The following PLCH1 variants were observed in gnomAD, a reference collection of about 807,000 sequenced individuals.
PLCH1 encodes 1-phosphatidylinositol 4,5-bisphosphate phosphodiesterase eta-1.
PLCH1 carries 60 observed loss-of-function variants against 126.7 expected under a neutral mutation model. The observed-to-expected ratio is 0.47, with a 90% CI of 0.38 to 0.59. PLCH1 has a LOEUF of 0.59. Ranked by LOEUF, PLCH1 falls within the 20% of genes least tolerant of loss-of-function variation. The pLI, the probability that PLCH1 is intolerant of heterozygous loss-of-function variation, is 0.00. For synonymous variants in PLCH1, 719 were observed against 734.9 expected (o/e 0.98, Z 0.35); for missense variants, 1,723 against 2,040.0 (o/e 0.84, Z 2.99).
intron 2 of PLCH1, among the ~76,000 whole-genome samples, chr3:155,650,034 G>C (rs1459983556): frequency 6.6e-6 from 1 of 152,044 alleles, no homozygotes; most frequent in Non-Finnish European, 1.5e-5. Flanking sequence ...ACAGGCACAG[G>C]GAGGCGTGAG....
intron 10 of PLCH1, among the ~76,000 whole-genome samples, chr3:155,533,849 T>C (rs1468164754): frequency 6.6e-6 from 1 of 152,222 alleles, no homozygotes; most frequent in East Asian, 1.9e-4. Context: ...AGGCCATTGC[T>C]TCAGAGGGTG....
chr3:155,593,072 T>C (rs1732417770), intron 4 of PLCH1, among the ~76,000 whole-genome samples: 1 of 152,014 alleles, frequency 6.6e-6, no homozygotes, highest in East Asian at 1.9e-4. Flanking sequence ...CACCAACCCC[T>C]GCGAAAAAAA....
chr3:155,458,468 A>C (rs1712550109), intron 21 of PLCH1, among the ~76,000 whole-genome samples: 1 of 108,342 alleles, frequency 9.2e-6, no homozygotes, highest in East Asian at 2.6e-4. Flanking sequence ...GAAAGAAAGA[A>C]AGAAAGAAAG....
intron 2 of PLCH1, among the ~76,000 whole-genome samples, chr3:155,646,290 C>T (rs564844289): frequency 6.6e-6 from 1 of 152,312 alleles, no homozygotes; most frequent in South Asian, 2.1e-4. Flanking sequence ...CATCACCAAC[C>T]ACCCACTGGC....
chr3:155,672,362 T>C (rs1199567752), intron 2 of PLCH1, among the ~76,000 whole-genome samples: 1 of 152,064 alleles, frequency 6.6e-6, no homozygotes, highest in Non-Finnish European at 1.5e-5. Flanking sequence ...AATTCAGAAA[T>C]AAACTAACAG....
intron 4 of PLCH1, among the ~76,000 whole-genome samples, chr3:155,591,983 G>A (rs1404450842): frequency 6.6e-6 from 1 of 152,000 alleles, no homozygotes; most frequent in Non-Finnish European, 1.5e-5. Flanking sequence ...TGTGATTCCA[G>A]CCAGGAGCCA....
chr3:155,733,089 T>G (rs1440905589), intron 1 of PLCH1, among the ~76,000 whole-genome samples: 1 of 152,032 alleles, frequency 6.6e-6, no homozygotes, highest in Non-Finnish European at 1.5e-5. Context: ...GGGAAAGATA[T>G]CCTGTGTTCA....
intron 2 of PLCH1, among the ~76,000 whole-genome samples, chr3:155,657,105 TA>T (rs772746319): frequency 8.2e-5 from 12 of 146,232 alleles, no homozygotes; most frequent in Admixed American, 2.0e-4. Context: ...ATTCTTAAGT[TA>T]AAAAAAAATG....
intron 1 of PLCH1, among the ~76,000 whole-genome samples, chr3:155,726,311 A>C (rs947622548): frequency 6.6e-6 from 1 of 152,082 alleles, no homozygotes; most frequent in African/African-American, 2.4e-5. Flanking sequence ...AAAGGCCTTT[A>C]TTGTGTCCCT....
chr3:155,736,478 C>CA (rs898929610), intron 1 of PLCH1, among the ~76,000 whole-genome samples: 18 of 151,906 alleles, frequency 1.2e-4, no homozygotes, highest in African/African-American at 2.9e-4. Flanking sequence ...AAGCAATGGG[C>CA]AAAAAAATAA....
At chr3:155,545,307 C>T (rs1301575711) in intron 10 of PLCH1, among the ~76,000 whole-genome samples, 63 of 151,172 alleles carry the variant, frequency 4.2e-4, no homozygotes, top group African/African-American at 1.5e-3. Flanking sequence ...ATAAATTCCT[C>T]GACACATACA....
chr3:155,669,312 C>T (rs908004840), intron 2 of PLCH1, among the ~76,000 whole-genome samples: 3 of 152,190 alleles, frequency 2.0e-5, no homozygotes, highest in African/African-American at 4.8e-5. Flanking sequence ...GGCACAATGG[C>T]TCATGCCTGT....
intron 6 of PLCH1, among the ~76,000 whole-genome samples, chr3:155,580,404 T>G (rs1370938179): frequency 1.3e-5 from 2 of 152,148 alleles, no homozygotes; most frequent in Admixed American, 1.3e-4. Flanking sequence ...GGCATTTAAA[T>G]GCTATAAAAT....
At chr3:155,478,044 C>T (rs1476820552), downstream of PLCH1, among the ~76,000 whole-genome samples, 1 of 152,096 alleles carries the variant, frequency 6.6e-6, no homozygotes, top group Non-Finnish European at 1.5e-5. Context: ...GGTACATATA[C>T]ACAATGGAGT....
chr3:155,677,484 C>T (rs894139304), intron 2 of PLCH1, among the ~76,000 whole-genome samples: 2 of 152,212 alleles, frequency 1.3e-5, no homozygotes, highest in African/African-American at 2.4e-5. Context: ...ACCATACATA[C>T]ATACATCACT....
At chr3:155,708,083 C>G (rs1455946096) in intron 1 of PLCH1, among the ~76,000 whole-genome samples, 1 of 152,134 alleles carries the variant, frequency 6.6e-6, no homozygotes, top group African/African-American at 2.4e-5. Context: ...TAAGACTTTA[C>G]ATCAGTGAGC....
intron 2 of PLCH1, among the ~76,000 whole-genome samples, chr3:155,623,894 A>C (rs1203735410): frequency 6.6e-6 from 1 of 152,204 alleles, no homozygotes; most frequent in African/African-American, 2.4e-5. Flanking sequence ...TCCCTAACTC[A>C]TTTTACGAGG....
At chr3:155,548,711 C>A (rs1725712536) in intron 10 of PLCH1, among the ~76,000 whole-genome samples, 1 of 152,192 alleles carries the variant, frequency 6.6e-6, no homozygotes, top group Non-Finnish European at 1.5e-5. Context: ...AAGACTTGGG[C>A]AAATTGGCCT....
intron 22 of PLCH1, among the ~76,000 whole-genome samples, chr3:155,483,747 G>T (rs888739045): frequency 3.9e-5 from 6 of 151,956 alleles, no homozygotes; most frequent in African/African-American, 1.5e-4. Context: ...CCCTAAAAGT[G>T]GCAGTAAGTT....
Sources: allele counts gnomAD v4.1 joint callset (sites outside exome capture counted in the v4.1 genomes callset), GRCh38; gene constraint gnomAD v4.1.1; transcripts MANE v1.5; gene names NCBI Gene and HGNC (gene_info 2026-07-23, HGNC 2026-07-21).